RSPH14: variants seen among roughly 807,000 people sequenced by gnomAD.
The protein encoded by RSPH14 is rhabdoid tumor deletion region gene 1.
Under a neutral mutation model 26.7 loss-of-function variants are expected in RSPH14, and 20 were observed. The observed-to-expected ratio is 0.75, with a 90% CI of 0.53 to 1.09. RSPH14 has a LOEUF of 1.09. RSPH14 is among the 50% of genes least tolerant of loss of function. The pLI is 0.00. For synonymous variants in RSPH14, 177 were observed against 189.3 expected (o/e 0.93, Z 0.53); for missense variants, 449 against 457.2 (o/e 0.98, Z 0.16).
At chr22:23,178,665 T>TGGG in the RSPH14 span, among the ~76,000 whole-genome samples, 1 of 152,204 alleles carries the variant, frequency 6.6e-6, no homozygotes, top group East Asian at 1.9e-4. Context: ...GCCTAGAAAC[T>TGGG]GGGGCCCATG....
chr22:23,063,012 C>T (rs1034965177), intron 5 of RSPH14, among the ~76,000 whole-genome samples: 3 of 152,156 alleles, frequency 2.0e-5, no homozygotes, highest in South Asian at 4.1e-4. Context: ...CACAAAGTAA[C>T]GGCAGGGATG....
At chr22:23,155,103 C>T in the RSPH14 span, among the ~76,000 whole-genome samples, 4 of 151,746 alleles carry the variant, frequency 2.6e-5, no homozygotes, top group Admixed American at 1.3e-4. Flanking sequence ...CTAGCCTGGG[C>T]AATAAGAGCG....
chr22:23,134,249 G>T, intron 3 of RSPH14, 105 bp from the exon 4 acceptor site: 1 of 784,280 alleles, frequency 1.3e-6, no homozygotes, highest in Non-Finnish European at 2.1e-6. Flanking sequence ...GCTATCTGGG[G>T]TAGACCACAT....
rs761403590 is a variant in RSPH14 at position 23,059,567 on chromosome 22, G to A, written c.942C>T (p.Pro314=). The change falls in exon 7 of 7, where the codon CCC becomes CCT. Residue 314 remains proline (P), a synonymous_variant. Transcript: ENST00000216036. ...TCTCCACCTCCATGGCACGGAAAGT[G>A]GGCACGTGCGTCTGCAGGGCCTTGC... is the stretch of plus-strand genomic sequence containing the variant. ...EGRKALQTHV[P]TFRAMEVETY... The A allele has an allele frequency of 4.3e-6, 7 of 1,614,202 alleles. No individual in the cohort carries two copies. The South Asian group carries it at 6.6e-5, about 15-fold the overall frequency.
At chr22:23,153,033 G>T in the RSPH14 span, 2 of 1,613,292 alleles carry the variant, frequency 1.2e-6, no homozygotes, top group African/African-American at 1.3e-5. Flanking sequence ...TCCCCCACAG[G>T]TTTTGCAAGA....
chr22:23,136,610 A>C lies in RSPH14; in HGVS notation c.302+2230T>G, dbSNP rs1314013070. Among the ~76,000 whole-genome samples the C allele has an allele frequency of 1.4e-5, 2 of 138,658 alleles. 1 individual carries two copies. Among genetic ancestry groups the C allele is most frequent in the Non-Finnish European group, 3.2e-5 (2 of 62,260 alleles). The allele number at this position is 138,658 out of a possible 152,430, so 91.0% of individuals were successfully genotyped here. ...TCTAGGTGCTGCTAAACAAATCCTT[A>C]CTACCATTCATTATAAGTAGGTTGA... is the stretch of plus-strand genomic sequence containing the variant. On this transcript the variant is annotated intron_variant, in intron 3 of 6. Coordinates refer to ENST00000216036, the MANE Select transcript of RSPH14 (RefSeq NM_014433.3).
intron 3 of RSPH14, among the ~76,000 whole-genome samples, chr22:23,135,028 A>G (rs960782255): frequency 6.6e-6 from 1 of 152,110 alleles, no homozygotes; most frequent in South Asian, 2.1e-4. Flanking sequence ...AAAGTTAGCC[A>G]GGCATGGTGG....
chr22:23,137,770 G>A (rs1406272039), intron 3 of RSPH14: 1 of 80,076 alleles, frequency 1.2e-5, no homozygotes, highest in Non-Finnish European at 2.4e-5. Flanking sequence ...GTGGGGTTCT[G>A]TTTTTTTGGG....
chr22:23,145,462 T>A, upstream of RSPH14: 3 of 1,610,018 alleles, frequency 1.9e-6, no homozygotes, highest in Non-Finnish European at 2.5e-6. Flanking sequence ...AGCCCGCAGG[T>A]CCCGCGTGGC....
chr22:23,117,374 GC>G (rs1444306518), intron 4 of RSPH14, among the ~76,000 whole-genome samples: 1 of 152,234 alleles, frequency 6.6e-6, no homozygotes, highest in African/African-American at 2.4e-5. Context: ...GGCCACAGGA[GC>G]CTCCCAAAGA....
chr22:23,159,157 TC>T, the RSPH14 span: 1 of 1,611,062 alleles, frequency 6.2e-7, no homozygotes, highest in Non-Finnish European at 8.5e-7. Flanking sequence ...GGGCCATTTC[TC>T]CCAGTCAGGG....
At chr22:23,140,979 G>A (rs1279394237) in intron 1 of RSPH14, among the ~76,000 whole-genome samples, 1 of 152,164 alleles carries the variant, frequency 6.6e-6, no homozygotes, top group African/African-American at 2.4e-5. Context: ...CTCATTCACT[G>A]CCAGGAACCC....
At chr22:23,093,182 T>G (rs549189566) in intron 4 of RSPH14, among the ~76,000 whole-genome samples, 1 of 152,326 alleles carries the variant, frequency 6.6e-6, no homozygotes, top group South Asian at 2.1e-4. Context: ...ATCTCAAGGC[T>G]TCCATTCTCA....
At chr22:23,156,107 C>T in the RSPH14 span, 238 of 1,258,752 alleles carry the variant, frequency 1.9e-4, 2 homozygotes, top group East Asian at 5.2e-3. Flanking sequence ...GTGGGAATCC[C>T]GAGTTCTCTG....
intron 3 of RSPH14, chr22:23,136,163 G>A: frequency 1.5e-6 from 1 of 673,070 alleles, no homozygotes; most frequent in Admixed American, 2.2e-5. Context: ...AGTCAGTTGT[G>A]TTTGCCTGTG....
rs189374840 is a variant in RSPH14 at position 23,095,705 on chromosome 22, C to A, written c.422-31572G>T. On this transcript the variant is annotated intron_variant, in intron 4 of 6. Transcript: ENST00000216036. The stretch of plus-strand genomic sequence containing the variant: ...CCGCTGCTGCCAGACCATGGGATGT[C>A]GGCAAAGCTCAGAGGAAAAAGAAGC... 2.1e-5 allele frequency: 33 copies of A among 1,605,462 alleles called. No individual in the cohort carries two copies. The East Asian group carries it at 7.4e-4, about 36-fold the overall frequency.
At chr22:23,162,908 A>C in the RSPH14 span, 1 of 331,534 alleles carries the variant, frequency 3.0e-6, no homozygotes, top group Non-Finnish European at 5.8e-6. Context: ...TTTTTTATAT[A>C]AATGACTTTT....
chr22:23,095,512 C>G (rs2069099194), intron 4 of RSPH14: 1 of 648,346 alleles, frequency 1.5e-6, no homozygotes, highest in Non-Finnish European at 2.6e-6. Context: ...GCACAGAGCG[C>G]CATGCCGGCT....
intron 3 of RSPH14, among the ~76,000 whole-genome samples, chr22:23,135,320 A>C (rs1287703167): frequency 5.1e-4 from 38 of 74,708 alleles, no homozygotes; most frequent in South Asian, 2.0e-3. Context: ...AAAAATACAA[A>C]AAAAAAAAAA....
Sources: allele counts gnomAD v4.1 joint callset (sites outside exome capture counted in the v4.1 genomes callset), GRCh38; gene constraint gnomAD v4.1.1; transcripts MANE v1.5; gene names NCBI Gene and HGNC (gene_info 2026-07-23, HGNC 2026-07-21).